SHROOM4: variants seen among roughly 807,000 people sequenced by gnomAD.
SHROOM4 encodes the protein protein Shroom4.
In SHROOM4, 17 loss-of-function variants were observed where a neutral mutation model predicts 80.3. The observed-to-expected ratio is 0.21, with a 90% confidence interval of 0.14 to 0.32. The LOEUF (loss-of-function observed/expected upper bound fraction) is 0.32, where lower values mean the gene tolerates loss of function less well. SHROOM4 is among the 10% of genes least tolerant of loss of function. The pLI, the probability that SHROOM4 is intolerant of heterozygous loss-of-function variation, is 1.00. For synonymous variants in SHROOM4, 400 were observed against 437.5 expected (o/e 0.91, Z 1.07); for missense variants, 993 against 1,140.3 (o/e 0.87, Z 1.86).
At chrX:50,580,587 G>T in the SHROOM4 span, among the ~76,000 whole-genome samples, 1 of 112,025 alleles carries the variant, frequency 8.9e-6, no homozygotes, top group Non-Finnish European at 1.9e-5. Flanking sequence ...GAAAGAAGTG[G>T]CATCCATTCT....
At chrX:50,813,444 C>T (rs1557273675) in intron 1 of SHROOM4, among the ~76,000 whole-genome samples, 1 of 112,173 alleles carries the variant, frequency 8.9e-6, no homozygotes, top group Non-Finnish European at 1.9e-5. Context: ...GCCCTGCAAC[C>T]TGCCTGGGAG....
At chrX:50,767,697 G>C (rs1418460465) in intron 1 of SHROOM4, among the ~76,000 whole-genome samples, 23 of 110,870 alleles carry the variant, frequency 2.1e-4, no homozygotes, top group Non-Finnish European at 1.1e-4. Flanking sequence ...TAAAAAAAAT[G>C]GTTTTGCTTT....
intron 5 of SHROOM4, among the ~76,000 whole-genome samples, chrX:50,625,596 C>T (rs1382488863): frequency 1.8e-5 from 2 of 110,643 alleles, no homozygotes; most frequent in Admixed American, 1.9e-4. Context: ...AAACAAACTC[C>T]CCTCCCCCAA....
At position 50,635,423 on chromosome X, in the gene SHROOM4, A is replaced by T; in HGVS notation, c.650T>A (p.Ile217Asn). 2 of 1,207,072 alleles carry T rather than the reference A, an allele frequency of 1.7e-6. No individual in the cohort carries two copies. The highest frequency in any genetic ancestry group is 2.2e-6 in the Non-Finnish European group (2 of 892,982). Reference sequence around the variant, plus strand: ...CTTAGTTGGCCCTGGGCCTTGCATGATGCAGTCTGTAGAGGCTGGCTCCTC... The same window carrying T: ...CTTAGTTGGCCCTGGGCCTTGCATGTTGCAGTCTGTAGAGGCTGGCTCCTC... ...RPEEPASTDC[I>N]MQGPGPTKAP... Residue 217 changes from isoleucine (I) to asparagine (N), a missense_variant, in exon 4 of 9, where the codon ATC (isoleucine) becomes AAC (asparagine). By Grantham distance (149) the Ile-to-Asn change is moderately radical (BLOSUM62 -3). Coordinates refer to ENST00000376020, the MANE Select transcript of SHROOM4 (RefSeq NM_020717.5).
intron 1 of SHROOM4, among the ~76,000 whole-genome samples, chrX:50,738,577 C>G (rs74591907): frequency 0.3 from 33,190 of 109,421 alleles, 4,545 homozygotes; most frequent in Non-Finnish European, 0.41. Context: ...CTCCCATTCA[C>G]AATTGCTTCA....
intron 1 of SHROOM4, among the ~76,000 whole-genome samples, chrX:50,797,043 G>A (rs782555128): frequency 1.1e-5 from 1 of 88,062 alleles, no homozygotes; most frequent in Non-Finnish European, 2.2e-5. Context: ...GAGGGGGAAA[G>A]GATGGGGGGA....
chrX:50,785,334 ATGTGACTG>A (rs1935717602), intron 1 of SHROOM4, among the ~76,000 whole-genome samples: 1 of 110,884 alleles, frequency 9.0e-6, no homozygotes, highest in Non-Finnish European at 1.9e-5. Flanking sequence ...ACAGACTTAT[ATGTGACTG>A]TTCATAGCAG....
chrX:50,678,289 C>T (rs1932880715), intron 2 of SHROOM4, among the ~76,000 whole-genome samples: 1 of 111,404 alleles, frequency 9.0e-6, no homozygotes. Context: ...CTACCCTGAT[C>T]TCATTCTATG....
At position 50,695,226 on chromosome X, in the gene SHROOM4, G is replaced by T. The variant is rs1602440505; in HGVS notation, c.269+560C>A. 3.6e-5 allele frequency among the ~76,000 whole-genome samples: 4 copies of T among 112,065 alleles called. 1 individual carries two copies. The Admixed American group carries it at 3.8e-4, about 11-fold the overall frequency. ...TTACCCTATCAATACCTTCTGCAGT[G>T]ATCTCTTTCTCTAACAGCAATTTTT... On this transcript the variant is annotated intron_variant, in intron 2 of 8. Transcript: ENST00000376020.
At chrX:50,674,342 T>A (rs978628755) in intron 2 of SHROOM4, among the ~76,000 whole-genome samples, 1 of 111,652 alleles carries the variant, frequency 9.0e-6, no homozygotes, top group Admixed American at 9.6e-5. Flanking sequence ...ACTATAGCAG[T>A]CAAGACTGTA....
intron 4 of SHROOM4, among the ~76,000 whole-genome samples, chrX:50,629,974 A>T (rs1178327581): frequency 3.6e-5 from 4 of 110,848 alleles, no homozygotes; most frequent in Non-Finnish European, 7.6e-5. Flanking sequence ...AGAAATGGGC[A>T]TGTGGTGTCT....
chrX:50,660,918 G>A (rs1932487725), intron 2 of SHROOM4, among the ~76,000 whole-genome samples: 1 of 110,099 alleles, frequency 9.1e-6, no homozygotes, highest in Non-Finnish European at 1.9e-5. Flanking sequence ...TGCCAACAGA[G>A]TATCTTTCAT....
intron 1 of SHROOM4, among the ~76,000 whole-genome samples, chrX:50,742,140 C>T (rs1569548394): frequency 9.2e-6 from 1 of 108,426 alleles, no homozygotes; most frequent in African/African-American, 3.4e-5. Context: ...CTCTATTATA[C>T]CTCCTTTCAC....
Position 50,592,033 on chromosome X carries a change from T to A in SHROOM4, c.*4662A>T. On this transcript the variant is annotated 3_prime_UTR_variant, in exon 9 of 9. Transcript: ENST00000376020. Reference sequence around the variant, plus strand: ...TGCCCGGCCGGAACTGTTTTCTTAATAACATTTTCGGATTGTTCATTTGAT... The same window carrying A: ...TGCCCGGCCGGAACTGTTTTCTTAAAAACATTTTCGGATTGTTCATTTGAT... The A allele has an allele frequency of 3.0e-6, 1 of 329,585 alleles. No homozygotes were observed. The highest frequency in any genetic ancestry group is 5.9e-6 in the Non-Finnish European group (1 of 170,062). The allele number at this position is 329,585 out of a possible 1,213,427, so 27.2% of individuals were successfully genotyped here.
At chrX:50,603,774 T>G (rs1372463543) in intron 6 of SHROOM4, among the ~76,000 whole-genome samples, 5 of 112,172 alleles carry the variant, frequency 4.5e-5, no homozygotes, top group Middle Eastern at 4.6e-3. Context: ...TGGCTTGGGT[T>G]TGGCCTCTTC....
At chrX:50,761,604 C>T (rs1557268879) in intron 1 of SHROOM4, among the ~76,000 whole-genome samples, 1 of 111,343 alleles carries the variant, frequency 9.0e-6, no homozygotes, top group Non-Finnish European at 1.9e-5. Context: ...GCTCTGTCAC[C>T]CAAGCTGGAG....
chrX:50,621,140 TAA>T (rs1427227915), intron 5 of SHROOM4, among the ~76,000 whole-genome samples: 5 of 112,142 alleles, frequency 4.5e-5, no homozygotes, highest in African/African-American at 1.6e-4. Flanking sequence ...GATATGAATC[TAA>T]GTTAATTATT....
Position 50,795,040 on chromosome X carries a change from C to CATAT in SHROOM4, c.117+18858_117+18861dup, listed in dbSNP as rs58909385. ...ATCTTTATATATATCATATATATCT[C>CATAT]ATATATATATGATATATATATGATA... is the stretch of plus-strand genomic sequence containing the variant. On this transcript the variant is annotated intron_variant, in intron 1 of 8. Transcript: ENST00000376020. Among the ~76,000 whole-genome samples the CATAT allele has an allele frequency of 3.2e-4, 2 of 6,224 alleles. 1 individual carries two copies. Among genetic ancestry groups the CATAT allele is most frequent in the African/African-American group, 4.0e-4 (2 of 4,951 alleles). 5.4% of individuals were successfully genotyped at this position (6,224 alleles called of 115,157 possible).
At chrX:50,707,658 G>C (rs1602450460) in intron 1 of SHROOM4, among the ~76,000 whole-genome samples, 1 of 81,287 alleles carries the variant, frequency 1.2e-5, no homozygotes, top group Non-Finnish European at 2.2e-5. Flanking sequence ...TCTAAGTCTT[G>C]AGTGTATCTG....
Sources: allele counts gnomAD v4.1 joint callset (sites outside exome capture counted in the v4.1 genomes callset), GRCh38; gene constraint gnomAD v4.1.1; transcripts MANE v1.5; gene names NCBI Gene and HGNC (gene_info 2026-07-23, HGNC 2026-07-21).